LAMA4: variants seen among roughly 807,000 people sequenced by gnomAD.
LAMA4 encodes laminin subunit alpha 4.
A neutral mutation model predicts 207.1 loss-of-function variants in LAMA4; 127 were observed. That is an observed-to-expected ratio of 0.61 (90% CI 0.53 to 0.71). LAMA4 has a LOEUF of 0.71. Among genes scored for constraint, LAMA4 ranks in the 30% least tolerant of loss-of-function variants. The probability of loss-of-function intolerance (pLI) is 0.00; values close to 1 mark genes in which losing one functional copy is unlikely to be tolerated. For synonymous variants in LAMA4, 761 were observed against 816.0 expected (o/e 0.93, Z 1.15); for missense variants, 2,093 against 2,246.5 (o/e 0.93, Z 1.38).
At chr6:112,169,597 A>C (rs1781596014) in intron 12 of LAMA4, among the ~76,000 whole-genome samples, 1 of 152,198 alleles carries the variant, frequency 6.6e-6, no homozygotes, top group Non-Finnish European at 1.5e-5. Flanking sequence ...AAAGATCAGG[A>C]AGAGGAAGGA....
At chr6:112,205,360 T>G (rs1293774307) in intron 4 of LAMA4, among the ~76,000 whole-genome samples, 1 of 150,682 alleles carries the variant, frequency 6.6e-6, no homozygotes, top group Non-Finnish European at 1.5e-5. Context: ...TAGTTTGATT[T>G]ACTGTACTAA....
At chr6:112,201,177 GGTT>G (rs1783725698) in intron 5 of LAMA4, among the ~76,000 whole-genome samples, 1 of 152,040 alleles carries the variant, frequency 6.6e-6, no homozygotes, top group South Asian at 2.1e-4. Context: ...CAGCTTTGTG[GGTT>G]GTTTTTTTCT....
rs1554333514 is a variant in LAMA4 at position 112,142,266 on chromosome 6, G to GC, written c.2519dup (p.Gln841ProfsTer14). ...TCGAGTGCACTTCCACAGCTGACTG[G>GC]CCATCAAACATCATGGAGACTTGGA... On this transcript the variant is annotated frameshift_variant, in exon 20 of 39. Transcript: ENST00000230538. LOFTEE classifies it high-confidence loss of function. 1.9e-6 allele frequency: 3 copies of GC among 1,614,018 alleles called. No individual in the cohort carries two copies. The highest frequency in any genetic ancestry group is 2.5e-6 in the Non-Finnish European group (3 of 1,179,980).
At chr6:112,198,034 T>C (rs1783521773) in intron 5 of LAMA4, among the ~76,000 whole-genome samples, 1 of 152,168 alleles carries the variant, frequency 6.6e-6, no homozygotes, top group African/African-American at 2.4e-5. Context: ...ACAACCAAGG[T>C]TCTTAGGTCA....
chr6:112,130,347 AG>A (rs1381548430), intron 29 of LAMA4, among the ~76,000 whole-genome samples: 1 of 147,658 alleles, frequency 6.8e-6, no homozygotes, highest in African/African-American at 2.6e-5. Context: ...TATAAAACAG[AG>A]CATACCTTAT....
chr6:112,137,586 T>G (rs1347061609), intron 24 of LAMA4, among the ~76,000 whole-genome samples: 1 of 152,238 alleles, frequency 6.6e-6, no homozygotes, highest in Non-Finnish European at 1.5e-5. Context: ...CCTCATCCAT[T>G]TCTTTGCTTC....
At position 112,254,295 on chromosome 6, in the gene LAMA4, A is replaced by G. The variant is rs1315777468; in HGVS notation, c.-141-4T>C. 11 of 944,286 alleles carry G rather than the reference A, an allele frequency of 1.2e-5. No homozygotes were observed. Among genetic ancestry groups the G allele is most frequent in the Non-Finnish European group, 1.7e-5 (10 of 603,972 alleles). The allele number at this position is 944,286 out of a possible 1,614,324, so 58.5% of individuals were successfully genotyped here. A position where few individuals can be genotyped will look rare whatever the true frequency, so the allele number is the denominator to read the frequency against. ...GAGGTGGCTGCGCAACCAGCAGCTT[A>G]GGAAATAAAGGGAAAGTGCGAGAGT... On this transcript the variant is annotated splice_polypyrimidine_tract_variant and splice_region_variant and intron_variant, in intron 1 of 38. Transcript: ENST00000230538.
intron 29 of LAMA4, 53 bp from the exon 30 acceptor site, chr6:112,130,093 A>G: frequency 6.7e-7 from 1 of 1,503,246 alleles, no homozygotes; most frequent in South Asian, 1.1e-5. Flanking sequence ...TTTTACCTTG[A>G]CCCACTCTAG....
intron 25 of LAMA4, 134 bp from the exon 26 acceptor site, chr6:112,134,743 G>T: frequency 1.4e-6 from 1 of 711,502 alleles, no homozygotes; most frequent in Non-Finnish European, 2.4e-6. Flanking sequence ...TCACAAAATG[G>T]GGAATAGATA....
chr6:112,185,559 T>C (rs1782636033), intron 8 of LAMA4, among the ~76,000 whole-genome samples: 2 of 152,110 alleles, frequency 1.3e-5, no homozygotes, highest in South Asian at 4.1e-4. Flanking sequence ...CAAGCTCCAC[T>C]CACTAGACCA....
At chr6:112,160,098 T>G (rs138094518) in intron 13 of LAMA4, among the ~76,000 whole-genome samples, 3 of 152,170 alleles carry the variant, frequency 2.0e-5, no homozygotes, top group Non-Finnish European at 2.9e-5. Flanking sequence ...GGCAACCTCC[T>G]TGGTCTCTGT....
chr6:112,133,400 C>T lies in LAMA4; in HGVS notation c.3645G>A (p.Leu1215=). The T allele has an allele frequency of 6.2e-7, 1 of 1,613,832 alleles. No homozygotes were observed. Among genetic ancestry groups the T allele is most frequent in the Non-Finnish European group, 8.5e-7 (1 of 1,179,816 alleles). ...CAACTCCCAGGGTTTCTGTCTGCTC[C>T]AGTAAATTGAAGTCCTTCTTTTGGA... ...FQFQKKDFNL[L]EQTETLGVGY... is the part of the protein sequence containing the mutation. Residue 1215 remains leucine, a synonymous_variant, in exon 27 of 39, where the codon CTG becomes CTA. Coordinates refer to ENST00000230538, the MANE Select transcript of LAMA4 (RefSeq NM_001105206.3).
chr6:112,254,601 A>C, upstream of LAMA4: 1 of 196,304 alleles, frequency 5.1e-6, no homozygotes, highest in Non-Finnish European at 1.1e-5. Flanking sequence ...TTTACCTTCT[A>C]CTCCCAGGCC....
chr6:112,254,104 A>G lies in LAMA4; in HGVS notation c.47T>C (p.Leu16Pro). Reference sequence around the variant, plus strand: ...GGCGCGGGAGCAGGCAGCGCTCCAGAGGAGCCACAGAGGCAGAACCGAGCG... The same window carrying G: ...GGCGCGGGAGCAGGCAGCGCTCCAGGGGAGCCACAGAGGCAGAACCGAGCG... ...AWRSVLPLWLLWSAACSRAAS... is the reference protein window; with the variant it reads ...AWRSVLPLWLPWSAACSRAAS... Residue 16 changes from leucine to proline, a missense_variant, in exon 2 of 39, where the codon CTC becomes CCC. Around this residue, in one of 3 missense-constraint regions of LAMA4, gnomAD observed 1,704 missense variants for 1,788.4 expected, o/e 0.95. Transcript: ENST00000230538. The G allele has an allele frequency of 6.2e-7, 1 of 1,612,760 alleles. No individual in the cohort carries two copies. The highest frequency in any genetic ancestry group is 1.1e-5 in the South Asian group (1 of 90,960).
At chr6:112,198,357 C>T (rs782782017) in intron 5 of LAMA4, among the ~76,000 whole-genome samples, 20 of 152,184 alleles carry the variant, frequency 1.3e-4, no homozygotes, top group Non-Finnish European at 2.2e-4. Flanking sequence ...TTGTTTAAAA[C>T]AGATATCCAT....
intron 18 of LAMA4, among the ~76,000 whole-genome samples, chr6:112,146,001 G>A (rs945366064): frequency 2.0e-5 from 3 of 152,022 alleles, no homozygotes; most frequent in Non-Finnish European, 4.4e-5. Flanking sequence ...AGAAAAGAGC[G>A]CAAGTCAGAT....
chr6:112,132,275 G>T (rs1431174605), intron 28 of LAMA4, among the ~76,000 whole-genome samples: 2 of 152,074 alleles, frequency 1.3e-5, no homozygotes, highest in African/African-American at 4.8e-5. Context: ...AGGCATTAAA[G>T]AATAAGATTC....
chr6:112,151,822 TCA>T lies in LAMA4; in HGVS notation c.2057-1197_2057-1196del, dbSNP rs1332412114. On this transcript the variant is annotated intron_variant, in intron 16 of 38. Transcript: ENST00000230538. ...AGATTATGGAAGTTTCCTTCTATTCTCAGTTTGCCGAAAGTCTTTTTTAAAAG... is the reference window on the plus strand; with the variant it reads ...AGATTATGGAAGTTTCCTTCTATTCTGTTTGCCGAAAGTCTTTTTTAAAAG... 2.0e-5 allele frequency among the ~76,000 whole-genome samples: 3 copies of T among 152,266 alleles called. No homozygotes were observed. In the East Asian group the frequency reaches 5.8e-4, roughly 29 times the overall value.
In LAMA4 at chr6:112,118,595, A is replaced by T. The variant is rs1778158546; in HGVS notation, c.4821+561T>A. ...TTTGATGCATTCCTTTTATTGCTAA[A>T]TTTTTTATAAGTGCAATATTTTTAA... On this transcript the variant is annotated intron_variant, in intron 34 of 38. Transcript: ENST00000230538. The surrounding 1 kb of genome is among the most constrained non-coding windows in gnomAD (Gnocchi z 4.6). Among the ~76,000 whole-genome samples the T allele has an allele frequency of 6.6e-6, 1 of 152,062 alleles. No individual in the cohort carries two copies. Among genetic ancestry groups the T allele is most frequent in the African/African-American group, 2.4e-5 (1 of 41,406 alleles).
Sources: gnomAD v4.1 joint callset for allele counts (sites outside exome capture counted in the v4.1 genomes callset) on GRCh38, gnomAD v4.1.1 for gene constraint, gnomAD v4.1.1 regional missense constraint, Gnocchi (gnomAD v3.1) non-coding constraint, MANE v1.5 for transcripts, NCBI Gene and HGNC (gene_info 2026-07-23, HGNC 2026-07-21) for gene names.